ATM: variants seen among roughly 807,000 people sequenced by gnomAD.
ATM encodes serine-protein kinase ATM.
In ATM, 308 loss-of-function variants were observed where a neutral mutation model predicts 387.0. The observed-to-expected ratio is 0.80, with a 90% confidence interval of 0.73 to 0.87. ATM has a LOEUF of 0.87. Ranked by LOEUF, ATM falls within the 40% of genes least tolerant of loss-of-function variation. ATM has a pLI of 0.00. For synonymous variants in ATM, 1,156 were observed against 1,187.3 expected, an observed-to-expected ratio of 0.97 and a Z score of 0.54; for missense variants, 3,312 against 3,560.9, an observed-to-expected ratio of 0.93 and a Z score of 1.78.
chr11:108,316,895 C>T (rs1591785314), intron 42 of ATM, among the ~76,000 whole-genome samples: 2 of 152,000 alleles, frequency 1.3e-5, no homozygotes, highest in Admixed American at 6.6e-5. Context: ...CACTGCACTC[C>T]AGCCTGGGCA....
At chr11:108,258,843 A>C in intron 15 of ATM, 143 bp from the exon 16 acceptor site, 2 of 670,722 alleles carry the variant, frequency 3.0e-6, no homozygotes, top group Non-Finnish European at 5.3e-6. Flanking sequence ...CTAAGAAAAG[A>C]TGTGTTTTTG....
At chr11:108,290,852 C>G (rs569834217) in intron 29 of ATM, among the ~76,000 whole-genome samples, 1 of 134,966 alleles carries the variant, frequency 7.4e-6, no homozygotes, top group African/African-American at 3.8e-5. Flanking sequence ...AGCACTACTT[C>G]TCCAATTCTA....
chr11:108,335,301 C>G (rs1442737628), intron 55 of ATM, 192 bp downstream of exon 55: 11 of 1,496,922 alleles, frequency 7.3e-6, no homozygotes, highest in Non-Finnish European at 9.8e-6. Context: ...CTCTGAAAGA[C>G]AATCATTATT....
At chr11:108,268,709 T>C (rs1034049825) in intron 18 of ATM, 100 bp downstream of exon 18, 23 of 1,308,110 alleles carry the variant, frequency 1.8e-5, no homozygotes, top group African/African-American at 1.3e-4. Flanking sequence ...CTTTGAAGAA[T>C]TGAAATTGCT....
chr11:108,327,489 A>T, intron 47 of ATM, 156 bp from the exon 48 acceptor site: 1 of 614,952 alleles, frequency 1.6e-6, no homozygotes, highest in Admixed American at 2.6e-5. Context: ...GGATTATTAA[A>T]ATAGTTGTAT....
Position 108,365,102 on chromosome 11 carries a change from CTT to C in ATM, c.8873_8874del (p.Phe2958Ter), listed in dbSNP as rs864622669. ...TTTAGGTCCTTCTATATGATCCACT[CTT>C]TGACTGGACCATGAATCCTTTGAAA... Reference protein sequence around the residue: ...IVEVLLYDPLFDWTMNPLKAL... With the variant: ...IVEVLLYDPLXDWTMNPLKAL... On this transcript the variant is annotated frameshift_variant, in exon 62 of 63. Coordinates refer to ENST00000675843, the MANE Select transcript of ATM (RefSeq NM_000051.4). LOFTEE classifies it high-confidence loss of function. 2 of 1,614,180 alleles carry C rather than the reference CTT, an allele frequency of 1.2e-6. No homozygotes were observed. Among genetic ancestry groups the C allele is most frequent in the Admixed American group, 1.7e-5 (1 of 60,022 alleles).
chr11:108,304,537 A>G (rs2083579357), intron 36 of ATM, 138 bp from the exon 37 acceptor site: 1 of 883,176 alleles, frequency 1.1e-6, no homozygotes, highest in Non-Finnish European at 1.7e-6. Context: ...TTTTAGCAGT[A>G]TGTTGAGTTT....
intron 55 of ATM, chr11:108,335,406 C>T: frequency 1.4e-6 from 1 of 732,290 alleles, no homozygotes; most frequent in Non-Finnish European, 2.0e-6. Context: ...GTGTCTGTCT[C>T]TTATTTCCTT....
At chr11:108,299,910 T>C (rs946759303) in intron 34 of ATM, 25 bp downstream of exon 34, 1 of 1,591,698 alleles carries the variant, frequency 6.3e-7, no homozygotes, top group African/African-American at 1.3e-5. Context: ...ATACCTTATA[T>C]GTAATCTCAA....
Position 108,272,847 on chromosome 11 carries a change from CAA to C in ATM, c.3280_3281del (p.Asn1094Ter). On this transcript the variant is annotated frameshift_variant, in exon 22 of 63. Coordinates refer to ENST00000675843, the MANE Select transcript of ATM (RefSeq NM_000051.4). LOFTEE classifies it high-confidence loss of function. ...TTCGCATGTTGGCTGCAGAGTCAAT[CAA>C]TAGGTAATGGGTCAAATATTCATGA... ...QVRMLAAESI[N>X]RLFQDTKGDS... is the part of the protein sequence containing the mutation. The C allele has an allele frequency of 6.2e-7, 1 of 1,613,972 alleles. No homozygotes were observed. Among genetic ancestry groups the C allele is most frequent in the Non-Finnish European group, 8.5e-7 (1 of 1,179,986 alleles).
intron 58 of ATM, 91 bp from the exon 59 acceptor site, chr11:108,347,188 A>G (rs2088524864): frequency 2.0e-6 from 2 of 994,768 alleles, no homozygotes; most frequent in South Asian, 1.3e-5. Flanking sequence ...TAAAGATTAT[A>G]CCAAGTCAGT....
At chr11:108,317,662 C>CT (rs2084854387) in intron 43 of ATM, 141 bp downstream of exon 43, 1 of 223,586 alleles carries the variant, frequency 4.5e-6, no homozygotes, top group Admixed American at 6.1e-5. Context: ...TACACACACA[C>CT]ACACACACAC....
intron 38 of ATM, chr11:108,308,966 C>T: frequency 6.7e-7 from 1 of 1,501,162 alleles, no homozygotes; most frequent in South Asian, 1.2e-5. Flanking sequence ...TCATTCATTT[C>T]AGACTTACCA....
intron 61 of ATM, among the ~76,000 whole-genome samples, chr11:108,356,834 T>A (rs1434334752): frequency 6.6e-6 from 1 of 152,192 alleles, no homozygotes; most frequent in African/African-American, 2.4e-5. Context: ...CCTTTGCCAT[T>A]GTAAGGACTT....
chr11:108,305,293 C>G lies in ATM; in HGVS notation c.5674+441C>G, dbSNP rs577767038. Among the ~76,000 whole-genome samples, 316 of 152,258 alleles carry G rather than the reference C, an allele frequency of 2.1e-3. 1 individual carries two copies. Among genetic ancestry groups the G allele is most frequent in the African/African-American group, 7.1e-3 (295 of 41,572 alleles). On this transcript the variant is annotated intron_variant, in intron 37 of 62. Coordinates refer to ENST00000675843, the MANE Select transcript of ATM (RefSeq NM_000051.4). Reference sequence around the variant, plus strand: ...CTGGCCAACTCAATTTAAAAAGCAGCCTTTGGCCGGGCACAGTGGCTCACG... The same window carrying G: ...CTGGCCAACTCAATTTAAAAAGCAGGCTTTGGCCGGGCACAGTGGCTCACG...
At chr11:108,234,603 A>C (rs1275080290) in intron 4 of ATM, among the ~76,000 whole-genome samples, 3 of 152,168 alleles carry the variant, frequency 2.0e-5, no homozygotes, top group Non-Finnish European at 4.4e-5. Context: ...TTGGGAGGCC[A>C]AGACAGGAGA....
rs534864280 is a variant in ATM, at chr11:108,284,314, C to A, written c.3834C>A (p.Asp1278Glu). 4 of 1,613,932 alleles carry A rather than the reference C, an allele frequency of 2.5e-6. No homozygotes were observed. The highest frequency in any genetic ancestry group is 1.7e-5 in the Admixed American group (1 of 60,006). ...VKSIANQIQE[D>E]WKSLLTDCFP... is the part of the protein sequence containing the mutation. ...CCATTGCTAATCAGATTCAAGAGGA[C>A]TGGAAAAGTCTTCTAACAGACTGCT... The change falls in exon 26 of 63, where the codon GAC (aspartate) becomes GAA (glutamate). Residue 1278 changes from aspartate to glutamate, a missense_variant. This residue lies in a region of ATM where 1,791 missense variants were observed against 1,804.5 expected (regional missense o/e 0.99). Transcript: ENST00000675843.
Position 108,287,616 on chromosome 11 carries a change from T to A in ATM, c.4010T>A (p.Ile1337Asn), listed in dbSNP as rs1060501660. ...CCCTTGCAGATTGATCACTTATTCA[T>A]TAGTAATTTACCAGAGATTGTGGTG... ...LLGKQIDHLFISNLPEIVVEL... is the reference protein window; with the variant it reads ...LLGKQIDHLFNSNLPEIVVEL... Residue 1337 changes from isoleucine to asparagine, a missense_variant, in exon 27 of 63, where the codon ATT becomes AAT. Coordinates refer to ENST00000675843, the MANE Select transcript of ATM (RefSeq NM_000051.4). 9 of 1,611,650 alleles carry A rather than the reference T, an allele frequency of 5.6e-6. No homozygotes were observed. Among genetic ancestry groups the A allele is most frequent in the Non-Finnish European group, 7.6e-6 (9 of 1,178,286 alleles).
chr11:108,355,875 G>T (rs770190319), intron 61 of ATM: 1 of 152,174 alleles, frequency 6.6e-6, no homozygotes, highest in Non-Finnish European at 1.5e-5. Flanking sequence ...AGTCCATCAG[G>T]GTGGTCCTGT....
Sources: gnomAD v4.1 joint callset for allele counts (sites outside exome capture counted in the v4.1 genomes callset) on GRCh38, gnomAD v4.1.1 for gene constraint, gnomAD v4.1.1 regional missense constraint, MANE v1.5 for transcripts, NCBI Gene and HGNC (gene_info 2026-07-23, HGNC 2026-07-21) for gene names.